SND1: variants seen among roughly 807,000 people sequenced by gnomAD.
SND1 encodes the protein staphylococcal nuclease and tudor domain containing 1.
SND1 carries 38 observed loss-of-function variants against 121.7 expected under a neutral mutation model. That is an observed-to-expected ratio of 0.31 (90% CI 0.24 to 0.41). The LOEUF is 0.41. Ranked by LOEUF, SND1 falls within the 10% of genes least tolerant of loss-of-function variation. SND1 has a pLI of 1.00. For missense variants in SND1, 868 were observed against 1,184.6 expected, an observed-to-expected ratio of 0.73 and a Z score of 3.92; for synonymous variants, 401 against 447.4, an observed-to-expected ratio of 0.90 and a Z score of 1.31.
intron 10 of SND1, among the ~76,000 whole-genome samples, chr7:127,755,892 G>A (rs952889003): frequency 2.0e-5 from 3 of 152,180 alleles, no homozygotes; most frequent in African/African-American, 7.2e-5. Flanking sequence ...AGTATTATAC[G>A]CAAATACAAG....
At chr7:128,061,471 A>T (rs1029534387) in intron 16 of SND1, among the ~76,000 whole-genome samples, 4 of 152,218 alleles carry the variant, frequency 2.6e-5, no homozygotes, top group African/African-American at 9.6e-5. Context: ...TGCCCGGGCT[A>T]GGCAAGGACC....
chr7:127,763,941 G>A (rs1797356723), intron 10 of SND1, among the ~76,000 whole-genome samples: 2 of 150,598 alleles, frequency 1.3e-5, no homozygotes, highest in African/African-American at 4.9e-5. Context: ...GATGGTGCAT[G>A]CTTGCAGTCC....
rs558221207 is a variant in SND1 at position 127,751,166 on chromosome 7, G to A, written c.1152+29766G>A. 4.0e-4 allele frequency among the ~76,000 whole-genome samples: 61 copies of A among 152,096 alleles called. 1 individual carries two copies. In the South Asian group the frequency reaches 0.012, roughly 30 times the overall value. On this transcript the variant is annotated intron_variant, in intron 10 of 23. Coordinates refer to ENST00000354725, the MANE Select transcript of SND1 (RefSeq NM_014390.4). ...GTAGGGTGTGTGTGTGTGTGTGTGCGCGCGTGCTGAAAGCCATTCAGTCTT... is the reference window on the plus strand; with the variant it reads ...GTAGGGTGTGTGTGTGTGTGTGTGCACGCGTGCTGAAAGCCATTCAGTCTT...
chr7:127,806,619 A>G (rs1798243315), intron 10 of SND1, among the ~76,000 whole-genome samples: 1 of 152,216 alleles, frequency 6.6e-6, no homozygotes, highest in Admixed American at 6.5e-5. Flanking sequence ...CACTTATAGC[A>G]TTTAGTCCCT....
chr7:127,844,064 A>C (rs1799013177), intron 11 of SND1, among the ~76,000 whole-genome samples: 1 of 152,188 alleles, frequency 6.6e-6, no homozygotes, highest in Non-Finnish European at 1.5e-5. Context: ...TTGCATTTTA[A>C]AATCAGGTTG....
intron 10 of SND1, among the ~76,000 whole-genome samples, chr7:127,776,418 ATGG>A (rs1797621381): frequency 6.6e-6 from 1 of 152,194 alleles, no homozygotes; most frequent in African/African-American, 2.4e-5. Context: ...ATGATGTAAA[ATGG>A]TGTGTAACAT....
chr7:127,807,705 A>C (rs926481936), intron 11 of SND1, 132 bp downstream of exon 11: 2 of 711,640 alleles, frequency 2.8e-6, no homozygotes, highest in African/African-American at 1.8e-5. Context: ...AATTACTTTG[A>C]TATGAAGAGA....
At chr7:127,806,305 A>G (rs146896486) in intron 10 of SND1, among the ~76,000 whole-genome samples, 2 of 152,192 alleles carry the variant, frequency 1.3e-5, no homozygotes, top group Non-Finnish European at 2.9e-5. Flanking sequence ...AGTGGTTCTC[A>G]TCATCTCTCG....
chr7:127,896,303 T>C (rs537258959), intron 13 of SND1, among the ~76,000 whole-genome samples: 32 of 152,244 alleles, frequency 2.1e-4, no homozygotes, highest in Non-Finnish European at 4.0e-4. Flanking sequence ...ATATTTGATA[T>C]GTTGGGAGGT....
Position 127,740,037 on chromosome 7 carries a change from C to G in SND1, c.1152+18637C>G, listed in dbSNP as rs560056387. Among the ~76,000 whole-genome samples, 5 of 152,336 alleles carry G rather than the reference C, an allele frequency of 3.3e-5. No homozygotes were observed. The East Asian group carries it at 7.7e-4, about 24-fold the overall frequency. On this transcript the variant is annotated intron_variant, in intron 10 of 23. Coordinates refer to ENST00000354725, the MANE Select transcript of SND1 (RefSeq NM_014390.4). Reference sequence around the variant, plus strand: ...CCAGCATAAACAGTTGCACTTCTGGCTGGCAGATTCGCCCTTGCTAAGTCT... The same window carrying G: ...CCAGCATAAACAGTTGCACTTCTGGGTGGCAGATTCGCCCTTGCTAAGTCT...
chr7:127,825,080 A>C (rs1282356324), intron 11 of SND1, among the ~76,000 whole-genome samples: 2 of 152,172 alleles, frequency 1.3e-5, no homozygotes, highest in Admixed American at 1.3e-4. Context: ...TGCTTTTTAG[A>C]AATGACAGTT....
At chr7:127,747,783 C>T (rs1225173397) in intron 10 of SND1, among the ~76,000 whole-genome samples, 1 of 152,150 alleles carries the variant, frequency 6.6e-6, no homozygotes, top group African/African-American at 2.4e-5. Context: ...TTTGCCTTTC[C>T]ATTGTCAATG....
chr7:127,709,813 CTGTT>C (rs145235310), intron 9 of SND1, among the ~76,000 whole-genome samples: 2,593 of 152,140 alleles, frequency 0.017, 92 homozygotes, highest in African/African-American at 0.059. Flanking sequence ...TAAATTGAGA[CTGTT>C]TGGGTACACG....
chr7:128,089,291 G>A (rs1247579656), intron 21 of SND1, among the ~76,000 whole-genome samples, 198 bp from the exon 22 acceptor site: 2 of 151,734 alleles, frequency 1.3e-5, no homozygotes, highest in Admixed American at 1.3e-4. Context: ...TGGCCTCAAG[G>A]GGTCCACCCA....
intron 15 of SND1, among the ~76,000 whole-genome samples, chr7:127,947,970 A>T (rs2116849928): frequency 6.6e-6 from 1 of 152,260 alleles, no homozygotes; most frequent in East Asian, 1.9e-4. Context: ...GCTATCCATG[A>T]TCCTATGAAG....
chr7:128,030,969 G>A (rs942096585), intron 16 of SND1: 12 of 209,676 alleles, frequency 5.7e-5, no homozygotes, highest in Admixed American at 3.5e-4. Flanking sequence ...CTCCACGGGA[G>A]CTGGGCACCT....
At chr7:127,960,420 C>T (rs534236602) in intron 15 of SND1, among the ~76,000 whole-genome samples, 11 of 152,204 alleles carry the variant, frequency 7.2e-5, no homozygotes, top group Admixed American at 1.3e-4. Context: ...CATTAGAAAA[C>T]ACTCTTTGGA....
intron 10 of SND1, among the ~76,000 whole-genome samples, chr7:127,770,093 G>C (rs2116495709): frequency 6.6e-6 from 1 of 152,278 alleles, no homozygotes; most frequent in Non-Finnish European, 1.5e-5. Context: ...CGGTGTGCAG[G>C]GTGGCAGGCA....
Position 127,859,112 on chromosome 7 carries a change from A to G in SND1, c.1343+14688A>G, listed in dbSNP as rs538114902. On this transcript the variant is annotated intron_variant, in intron 12 of 23. Coordinates refer to ENST00000354725, the MANE Select transcript of SND1 (RefSeq NM_014390.4). ...ATTATGTAATTTTCTGTCTTGGGAT[A>G]TGTGTTTGCATGGGGGGGTGGTTTT... 2.0e-5 allele frequency among the ~76,000 whole-genome samples: 3 copies of G among 152,126 alleles called. No individual in the cohort carries two copies. In the East Asian group the frequency reaches 5.8e-4, roughly 29 times the overall value.
Sources: allele counts gnomAD v4.1 joint callset (sites outside exome capture counted in the v4.1 genomes callset), GRCh38; gene constraint gnomAD v4.1.1; transcripts MANE v1.5; gene names NCBI Gene and HGNC (gene_info 2026-07-23, HGNC 2026-07-21).